UMOD: variants seen among roughly 807,000 people sequenced by gnomAD.
UMOD encodes the protein Tamm-Horsfall urinary glycoprotein.
In UMOD, 64 loss-of-function variants were observed where a neutral mutation model predicts 66.0. The ratio of observed to expected loss-of-function variants is 0.97; its 90% CI spans 0.79 to 1.19. UMOD has a LOEUF of 1.19. Ranked by LOEUF, UMOD falls within the 50% of genes most tolerant of loss-of-function variation. The pLI is 0.00. For synonymous variants in UMOD, 398 were observed against 352.7 expected, an observed-to-expected ratio of 1.13 and a Z score of -1.44; for missense variants, 764 against 850.9, an observed-to-expected ratio of 0.90 and a Z score of 1.27.
intron 7 of UMOD, among the ~76,000 whole-genome samples, chr16:20,339,451 AC>A (rs2141641467): frequency 6.6e-6 from 1 of 152,382 alleles, no homozygotes; most frequent in East Asian, 1.9e-4. Flanking sequence ...ACAGGACCAT[AC>A]AATGAGGACA....
chr16:20,344,600 C>CAAAA (rs11310838), intron 5 of UMOD, among the ~76,000 whole-genome samples: 3 of 126,434 alleles, frequency 2.4e-5, no homozygotes, highest in Admixed American at 7.9e-5. Flanking sequence ...GATTCCATCT[C>CAAAA]AAAAAAAAAA....
Position 20,344,136 on chromosome 16 carries a change from A to C in UMOD, c.1219T>G (p.Tyr407Asp). The C allele has an allele frequency of 7.1e-7, 1 of 1,407,924 alleles. No homozygotes were observed. The highest frequency in any genetic ancestry group is 3.8e-5 in the East Asian group (1 of 26,300). The allele number at this position is 1,407,924 out of a possible 1,614,324, so 87.2% of individuals were successfully genotyped here. Residue 407 changes from tyrosine to aspartate, a missense_variant, in exon 6 of 11, where the codon TAC becomes GAC. Transcript: ENST00000396138. Reference protein sequence around the residue: ...ETHATYSNTLYLADEIIIRDL... With the variant: ...ETHATYSNTLDLADEIIIRDL... ...CGGATGATGATCTCATCTGCCAGGT[A>C]GAGGGTGTTGCTGTAAGTGGCATGG...
At chr16:20,353,334 G>A (rs1018324910), upstream of UMOD, among the ~76,000 whole-genome samples, 3 of 152,140 alleles carry the variant, frequency 2.0e-5, no homozygotes, top group Non-Finnish European at 4.4e-5. Context: ...GGTCCCTTTG[G>A]AGGCGAAATA....
intron 1 of UMOD, among the ~76,000 whole-genome samples, chr16:20,351,978 A>G (rs1238228936): frequency 1.3e-5 from 2 of 149,550 alleles, no homozygotes; most frequent in African/African-American, 2.5e-5. Context: ...AGATCGTGCC[A>G]CTGCACTCCT....
Position 20,336,725 on chromosome 16 carries a change from G to A in UMOD, c.1743C>T (p.Thr581=), listed in dbSNP as rs1964893596. The A allele has an allele frequency of 6.2e-7, 1 of 1,613,902 alleles. No homozygotes were observed. Among genetic ancestry groups the A allele is most frequent in the African/African-American group, 1.3e-5 (1 of 74,924 alleles). The change falls in exon 9 of 11, where the codon ACC becomes ACT. Residue 581 remains threonine, a splice_region_variant and synonymous_variant. Transcript: ENST00000396138. ...CACTTCGGAATCTGGTCCCAGAGCA[G>A]GTCTACAGGGAGAGGGCAATAGAAA... ...CDTMNEKCKP[T]CSGTRFRSGS... is the part of the protein sequence containing the mutation.
rs752917522 is a variant in UMOD at position 20,346,344 on chromosome 16, G to C, written c.974-10C>G. 3 of 1,614,196 alleles carry C rather than the reference G, an allele frequency of 1.9e-6. No individual in the cohort carries two copies. The South Asian group carries it at 3.3e-5, about 18-fold the overall frequency. ...TCCAGGAGGGAGATATCTGAAACAG[G>C]TTAGGTGGGATTGAGGACGTGTGTC... On this transcript the variant is annotated splice_polypyrimidine_tract_variant and intron_variant, in intron 4 of 10. Transcript: ENST00000396138.
At chr16:20,337,987 G>A (rs1425039048) in intron 7 of UMOD, among the ~76,000 whole-genome samples, 1 of 152,162 alleles carries the variant, frequency 6.6e-6, no homozygotes, top group Non-Finnish European at 1.5e-5. Context: ...CACATGTGCT[G>A]GGCTGGGTCA....
At position 20,344,183 on chromosome 16, in the gene UMOD, GAA is replaced by G; in HGVS notation, c.1183-13_1183-12del. The stretch of plus-strand genomic sequence containing the variant: ...ATGGGTTTCATTCCTCTGTTGCAGG[GAA>G]TGGGGGTGGAGGGGGGGTGGGGATG... On this transcript the variant is annotated splice_polypyrimidine_tract_variant and intron_variant, in intron 5 of 10. Coordinates refer to ENST00000396138, the MANE Select transcript of UMOD (RefSeq NM_003361.4). 1 of 852,680 alleles carries G rather than the reference GAA, an allele frequency of 1.2e-6. No homozygotes were observed. The highest frequency in any genetic ancestry group is 1.9e-6 in the Non-Finnish European group (1 of 535,928). 52.8% of individuals were successfully genotyped at this position (852,680 alleles called of 1,614,324 possible). A position where few individuals can be genotyped will look rare whatever the true frequency, so the allele number is the denominator to read the frequency against.
upstream of UMOD, chr16:20,352,844 A>ATGCCAGG: frequency 1.3e-6 from 1 of 790,728 alleles, no homozygotes; most frequent in Non-Finnish European, 1.7e-6. Flanking sequence ...CTCCTGGCAT[A>ATGCCAGG]ATGTTTGCCT....
At chr16:20,341,035 C>T in intron 7 of UMOD, 56 bp downstream of exon 7, 1 of 1,549,302 alleles carries the variant, frequency 6.5e-7, no homozygotes, top group Non-Finnish European at 8.8e-7. Flanking sequence ...CATCCAAGTC[C>T]AAAGACCCCC....
chr16:20,345,319 T>C (rs540770213), intron 5 of UMOD, among the ~76,000 whole-genome samples: 1 of 150,286 alleles, frequency 6.7e-6, no homozygotes, highest in South Asian at 2.1e-4. Flanking sequence ...CGGCCAACAT[T>C]AAATCTTTCT....
At chr16:20,349,614 C>T in intron 2 of UMOD, 2 of 1,404,958 alleles carry the variant, frequency 1.4e-6, no homozygotes, top group African/African-American at 1.4e-5. Flanking sequence ...TCGCGCCCAG[C>T]TCCACCATTC....
intron 2 of UMOD, 85 bp from the exon 3 acceptor site, chr16:20,349,297 T>G: frequency 6.8e-7 from 1 of 1,460,070 alleles, no homozygotes; most frequent in Non-Finnish European, 9.3e-7. Context: ...TCCAGGGAAC[T>G]CATTATTTTT....
At chr16:20,333,747 C>G (rs113038428) in intron 10 of UMOD, among the ~76,000 whole-genome samples, 1 of 152,120 alleles carries the variant, frequency 6.6e-6, no homozygotes, top group East Asian at 1.9e-4. Context: ...GTCAAATGCC[C>G]GGTTAGCCGG....
At chr16:20,336,781 T>A in intron 8 of UMOD, 54 bp from the exon 9 acceptor site, 1 of 1,547,906 alleles carries the variant, frequency 6.5e-7, no homozygotes, top group Admixed American at 1.7e-5. Context: ...CTGAATGTGG[T>A]TCTGCCACGT....
chr16:20,337,953 C>A (rs769537194), intron 7 of UMOD, among the ~76,000 whole-genome samples: 1 of 152,062 alleles, frequency 6.6e-6, no homozygotes, highest in Non-Finnish European at 1.5e-5. Flanking sequence ...AGGAGAAACC[C>A]GAAATAGAGC....
At chr16:20,335,374 A>G in intron 10 of UMOD, 108 bp downstream of exon 10, 3 of 1,160,332 alleles carry the variant, frequency 2.6e-6, no homozygotes, top group Non-Finnish European at 3.8e-6. Flanking sequence ...AAACGGAACT[A>G]GTAACACCTC....
rs1965388378 is a variant in UMOD at position 20,344,034 on chromosome 16, G to A, written c.1321C>T (p.Pro441Ser). 1 of 1,613,742 alleles carries A rather than the reference G, an allele frequency of 6.2e-7. No homozygotes were observed. The highest frequency in any genetic ancestry group is 8.5e-7 in the Non-Finnish European group (1 of 1,180,018). Residue 441 changes from proline (P) to serine (S), a missense_variant, in exon 6 of 11, where the codon CCA (proline) becomes TCA (serine). Physicochemically the swap from Pro to Ser is moderately conservative, Grantham distance 74. Coordinates refer to ENST00000396138, the MANE Select transcript of UMOD (RefSeq NM_003361.4). The stretch of plus-strand genomic sequence containing the variant: ...CCTCTCTGGCCACACCTGACCATTG[G>A]CTGTAGGGCGGTCTTCAGGCTGACT... ...MKVSLKTALQ[P>S]MVSALNIRVG...
upstream of UMOD, among the ~76,000 whole-genome samples, chr16:20,355,412 T>C (rs190450490): frequency 0.012 from 1,731 of 145,362 alleles, 72 homozygotes; most frequent in South Asian, 0.11. Flanking sequence ...TCTTCTTCTT[T>C]TTTTTTTTTT....
Sources: allele counts gnomAD v4.1 joint callset (sites outside exome capture counted in the v4.1 genomes callset), GRCh38; gene constraint gnomAD v4.1.1; transcripts MANE v1.5; gene names NCBI Gene and HGNC (gene_info 2026-07-23, HGNC 2026-07-21).